RANBP17: variants seen among roughly 807,000 people sequenced by gnomAD.
RANBP17 encodes RAN binding protein 17.
RANBP17 carries 158 observed loss-of-function variants against 141.2 expected under a neutral mutation model. That is an observed-to-expected ratio of 1.12 (90% CI 0.98 to 1.28). The LOEUF is 1.28. RANBP17 is among the 50% of genes most tolerant of loss of function. RANBP17 has a pLI of 0.00. For missense variants in RANBP17, 1,438 were observed against 1,290.7 expected (o/e 1.11, Z -1.75); for synonymous variants, 430 against 450.0 (o/e 0.96, Z 0.56).
chr5:171,201,079 A>G (rs573692109), intron 19 of RANBP17, among the ~76,000 whole-genome samples: 3 of 152,328 alleles, frequency 2.0e-5, no homozygotes, highest in South Asian at 2.1e-4. Context: ...TATGAAAATT[A>G]CATCTGTCTC....
intron 3 of RANBP17, among the ~76,000 whole-genome samples, chr5:170,884,394 G>T (rs1768973871): frequency 6.6e-6 from 1 of 152,096 alleles, no homozygotes; most frequent in African/African-American, 2.4e-5. Flanking sequence ...TCCATATTTT[G>T]TATGTTATAT....
chr5:171,175,005 G>T (rs1397289400), intron 16 of RANBP17, among the ~76,000 whole-genome samples: 3 of 151,920 alleles, frequency 2.0e-5, no homozygotes, highest in Non-Finnish European at 4.4e-5. Flanking sequence ...CTGTGTCCAT[G>T]TGTTGTCATT....
intron 4 of RANBP17, among the ~76,000 whole-genome samples, chr5:170,895,413 A>C (rs1375266643): frequency 6.6e-6 from 1 of 152,188 alleles, no homozygotes; most frequent in African/African-American, 2.4e-5. Flanking sequence ...ATGATGGAAA[A>C]TTTGAGATTA....
At chr5:171,135,411 CG>C (rs755632045) in intron 14 of RANBP17, among the ~76,000 whole-genome samples, 85 of 151,964 alleles carry the variant, frequency 5.6e-4, no homozygotes, top group Non-Finnish European at 5.4e-4. Flanking sequence ...ATATTTCTTC[CG>C]TATTTTAAAA....
chr5:171,274,770 A>G (rs1017622776), intron 25 of RANBP17, among the ~76,000 whole-genome samples: 2 of 152,234 alleles, frequency 1.3e-5, no homozygotes, highest in African/African-American at 2.4e-5. Flanking sequence ...TCTGCAGGCA[A>G]TGATTTTAAG....
intron 18 of RANBP17, among the ~76,000 whole-genome samples, chr5:171,184,459 G>A (rs796451542): frequency 2.6e-5 from 4 of 152,224 alleles, no homozygotes; most frequent in African/African-American, 9.6e-5. Context: ...AGAGTAGAAT[G>A]GTGGTTACTA....
chr5:170,864,515 A>G (rs1173695105), intron 1 of RANBP17, among the ~76,000 whole-genome samples: 1 of 152,200 alleles, frequency 6.6e-6, no homozygotes, highest in Non-Finnish European at 1.5e-5. Flanking sequence ...CATTCTGGTT[A>G]GGAAGCTGTG....
intron 14 of RANBP17, among the ~76,000 whole-genome samples, chr5:171,046,669 T>C (rs1782610889): frequency 6.6e-6 from 1 of 152,174 alleles, no homozygotes; most frequent in South Asian, 2.1e-4. Flanking sequence ...CTGCCTTCAA[T>C]TTCTAGAAAA....
intron 16 of RANBP17, among the ~76,000 whole-genome samples, chr5:171,173,930 CT>C (rs1177058814): frequency 6.6e-6 from 1 of 152,082 alleles, no homozygotes; most frequent in Non-Finnish European, 1.5e-5. Context: ...CTCACAGACA[CT>C]TTTTCATAGG....
chr5:170,956,729 C>T (rs915731216), intron 13 of RANBP17, among the ~76,000 whole-genome samples: 4 of 148,986 alleles, frequency 2.7e-5, no homozygotes, highest in African/African-American at 9.8e-5. Context: ...GGATTACAGG[C>T]GTGAGCAACT....
chr5:171,245,683 A>T lies in RANBP17; in HGVS notation c.2776+2863A>T, dbSNP rs1034911663. 8.5e-5 allele frequency among the ~76,000 whole-genome samples: 13 copies of T among 152,110 alleles called. No individual in the cohort carries two copies. The East Asian group carries it at 9.7e-4, about 11-fold the overall frequency. Reference sequence around the variant, plus strand: ...AATAACTTTTGGATCAGTTTGACTCATTTGAGATCGGATGGCAACTCTTAT... The same window carrying T: ...AATAACTTTTGGATCAGTTTGACTCTTTTGAGATCGGATGGCAACTCTTAT... On this transcript the variant is annotated intron_variant, in intron 24 of 27. Transcript: ENST00000523189.
chr5:171,263,004 C>T (rs715225), intron 24 of RANBP17, among the ~76,000 whole-genome samples: 18,539 of 152,200 alleles, frequency 0.12, 1,448 homozygotes, highest in East Asian at 0.21. Flanking sequence ...TAAATGTGAG[C>T]TTTTAAACTG....
intron 14 of RANBP17, among the ~76,000 whole-genome samples, chr5:171,027,159 A>G (rs549817612): frequency 6.6e-6 from 1 of 152,318 alleles, no homozygotes; most frequent in African/African-American, 2.4e-5. Flanking sequence ...CATGCAGTAA[A>G]ACTTGAATGG....
intron 14 of RANBP17, among the ~76,000 whole-genome samples, chr5:171,118,056 T>A (rs1052597156): frequency 6.6e-6 from 1 of 152,158 alleles, no homozygotes; most frequent in African/African-American, 2.4e-5. Context: ...GATTTTGAGG[T>A]CTTATGCATA....
At chr5:171,160,265 ATTAGAAG>A (rs1402233389) in intron 14 of RANBP17, among the ~76,000 whole-genome samples, 1 of 152,192 alleles carries the variant, frequency 6.6e-6, no homozygotes, top group Non-Finnish European at 1.5e-5. Context: ...ATTATTTAAT[ATTAGAAG>A]TTATGTTACC....
At chr5:171,034,102 C>T (rs547637947) in intron 14 of RANBP17, among the ~76,000 whole-genome samples, 41 of 152,024 alleles carry the variant, frequency 2.7e-4, no homozygotes, top group African/African-American at 9.9e-4. Flanking sequence ...AGAGTGAGAC[C>T]TGTCTCTAAA....
At chr5:171,183,268 C>T (rs377003225) in intron 17 of RANBP17, 38 bp downstream of exon 17, 256 of 1,582,380 alleles carry the variant, frequency 1.6e-4, no homozygotes, top group Non-Finnish European at 2.0e-4. Flanking sequence ...TAACATTTTA[C>T]GAATAGTTGA....
intron 18 of RANBP17, among the ~76,000 whole-genome samples, chr5:171,193,081 T>C (rs1393788699): frequency 6.6e-6 from 1 of 152,198 alleles, no homozygotes; most frequent in Non-Finnish European, 1.5e-5. Context: ...TGCCCATTGT[T>C]ACTTGGTTTT....
chr5:171,120,011 T>C (rs1458181173), intron 14 of RANBP17, among the ~76,000 whole-genome samples: 2 of 126,856 alleles, frequency 1.6e-5, no homozygotes, highest in South Asian at 5.2e-4. Context: ...CACTCTGGCC[T>C]GGGCAACAAG....
Sources: allele counts gnomAD v4.1 joint callset (sites outside exome capture counted in the v4.1 genomes callset), GRCh38; gene constraint gnomAD v4.1.1; transcripts MANE v1.5; gene names NCBI Gene and HGNC (gene_info 2026-07-23, HGNC 2026-07-21).